Variants in SH3PXD2B observed in about 807,000 individuals in gnomAD.
SH3PXD2B encodes SH3 and PX domain-containing protein 2B.
In SH3PXD2B, 37 loss-of-function variants were observed where a neutral mutation model predicts 73.1. The observed-to-expected ratio is 0.51, with a 90% confidence interval of 0.39 to 0.67. The LOEUF is 0.67. Among genes scored for constraint, SH3PXD2B ranks in the 30% least tolerant of loss-of-function variants. The probability of loss-of-function intolerance (pLI) is 0.00; values close to 1 mark genes in which losing one functional copy is unlikely to be tolerated. For missense variants in SH3PXD2B, 1,053 were observed against 1,197.8 expected (o/e 0.88, Z 1.78); for synonymous variants, 457 against 480.5 (o/e 0.95, Z 0.64).
intron 1 of SH3PXD2B, among the ~76,000 whole-genome samples, chr5:172,450,524 A>G (rs970317477): frequency 1.3e-5 from 2 of 152,136 alleles, no homozygotes; most frequent in African/African-American, 4.8e-5. Flanking sequence ...CCCATTTGAA[A>G]GGGACCCAGT....
At chr5:172,391,393 T>C (rs1581302353) in intron 4 of SH3PXD2B, among the ~76,000 whole-genome samples, 4 of 152,242 alleles carry the variant, frequency 2.6e-5, no homozygotes, top group Admixed American at 2.0e-4. Flanking sequence ...GAGTTCTTGG[T>C]GTATGTTCAA....
At chr5:172,447,457 T>C (rs1284737001) in intron 1 of SH3PXD2B, among the ~76,000 whole-genome samples, 2 of 152,238 alleles carry the variant, frequency 1.3e-5, no homozygotes, top group Non-Finnish European at 2.9e-5. Context: ...CAACCTTTTA[T>C]GATCATAAAT....
At chr5:172,388,221 A>T (rs1403692595) in intron 4 of SH3PXD2B, among the ~76,000 whole-genome samples, 1 of 152,230 alleles carries the variant, frequency 6.6e-6, no homozygotes, top group Non-Finnish European at 1.5e-5. Context: ...TAAACTTGGT[A>T]GCTAAATTTG....
intron 12 of SH3PXD2B, among the ~76,000 whole-genome samples, chr5:172,326,949 T>TG (rs1411270401): frequency 3.3e-5 from 5 of 150,400 alleles, no homozygotes; most frequent in African/African-American, 1.2e-4. Context: ...CTCTGCGTCC[T>TG]GGGTTCAAGC....
intron 1 of SH3PXD2B, among the ~76,000 whole-genome samples, chr5:172,434,511 C>G (rs1759322174): frequency 6.6e-6 from 1 of 152,224 alleles, no homozygotes; most frequent in African/African-American, 2.4e-5. Context: ...CCCTGCTTCC[C>G]CTGCCTCCGG....
Position 172,335,244 on chromosome 5 carries a change from A to G in SH3PXD2B, c.*3125T>C, listed in dbSNP as rs904378424. ...GTTAATAAGCAGGGGTGAGGGGAAG[A>G]AAAAAAAATCTCTGCCCACCTTTTG... On this transcript the variant is annotated 3_prime_UTR_variant, in exon 13 of 13. Transcript: ENST00000311601. 1 of 1,057,482 alleles carries G rather than the reference A, an allele frequency of 9.5e-7. No homozygotes were observed. Among genetic ancestry groups the G allele is most frequent in the South Asian group, 4.6e-5 (1 of 21,870 alleles). The allele number at this position is 1,057,482 out of a possible 1,614,324, so 65.5% of individuals were successfully genotyped here. A position where few individuals can be genotyped will look rare whatever the true frequency, so the allele number is the denominator to read the frequency against.
chr5:172,335,498 C>G lies in SH3PXD2B; in HGVS notation c.*2871G>C, dbSNP rs1756667207. ...CTTGGCCACTATTTGGACCTTCTCCCTCTGAACCTTAATTTTCTCACTATA... is the reference window on the plus strand; with the variant it reads ...CTTGGCCACTATTTGGACCTTCTCCGTCTGAACCTTAATTTTCTCACTATA... On this transcript the variant is annotated 3_prime_UTR_variant, in exon 13 of 13. Transcript: ENST00000311601. 2 of 1,231,564 alleles carry G rather than the reference C, an allele frequency of 1.6e-6. No individual in the cohort carries two copies. Among genetic ancestry groups the G allele is most frequent in the Non-Finnish European group, 2.0e-6 (2 of 987,926 alleles). The allele number at this position is 1,231,564 out of a possible 1,614,324, so 76.3% of individuals were successfully genotyped here.
chr5:172,403,348 C>T (rs79492396), intron 3 of SH3PXD2B, among the ~76,000 whole-genome samples: 1,639 of 152,314 alleles, frequency 0.011, 38 homozygotes, highest in African/African-American at 0.038. Context: ...TCTGCTGACG[C>T]GGCAGTCTTG....
chr5:172,404,289 T>C (rs1026718700), intron 3 of SH3PXD2B, among the ~76,000 whole-genome samples: 2 of 151,874 alleles, frequency 1.3e-5, no homozygotes, highest in Non-Finnish European at 2.9e-5. Context: ...CCTGTTCCCT[T>C]TGCTGAAAAA....
At chr5:172,347,232 C>T in intron 11 of SH3PXD2B, 51 bp downstream of exon 11, 1 of 1,598,084 alleles carries the variant, frequency 6.3e-7, no homozygotes, top group Non-Finnish European at 8.6e-7. Context: ...GTGGACACCC[C>T]TCACAGCCCT....
chr5:172,403,911 G>A (rs759033300), intron 3 of SH3PXD2B, among the ~76,000 whole-genome samples: 3 of 152,186 alleles, frequency 2.0e-5, no homozygotes, highest in Admixed American at 6.5e-5. Context: ...TCACTGTCCC[G>A]TTTTTAACAG....
At chr5:172,354,463 G>A (rs1173984275) in intron 8 of SH3PXD2B, among the ~76,000 whole-genome samples, 2 of 152,192 alleles carry the variant, frequency 1.3e-5, no homozygotes, top group Non-Finnish European at 2.9e-5. Context: ...TGTCTGTCTT[G>A]TTCATTCCTG....
At chr5:172,451,046 C>G (rs1298021243) in intron 1 of SH3PXD2B, among the ~76,000 whole-genome samples, 1 of 152,240 alleles carries the variant, frequency 6.6e-6, no homozygotes, top group Non-Finnish European at 1.5e-5. Flanking sequence ...TGTGGCTCTG[C>G]CCCTGGGCCC....
chr5:172,363,840 A>G (rs1482552250), intron 6 of SH3PXD2B, among the ~76,000 whole-genome samples: 1 of 152,242 alleles, frequency 6.6e-6, no homozygotes, highest in African/African-American at 2.4e-5. Flanking sequence ...TAGAAAGTCA[A>G]TTAAGGGCTT....
intron 4 of SH3PXD2B, among the ~76,000 whole-genome samples, chr5:172,384,097 G>A (rs1319131883): frequency 1.3e-5 from 2 of 151,962 alleles, no homozygotes; most frequent in Non-Finnish European, 2.9e-5. Context: ...CACCCACCTC[G>A]GCTCCCAAAG....
chr5:172,443,536 C>A (rs1759594921), intron 1 of SH3PXD2B, among the ~76,000 whole-genome samples: 1 of 152,226 alleles, frequency 6.6e-6, no homozygotes, highest in Non-Finnish European at 1.5e-5. Context: ...CAGCCCTTAT[C>A]CTATGGAGAT....
In SH3PXD2B at chr5:172,368,590, A is replaced by AT. The variant is rs1561908320; in HGVS notation, c.427+5199_427+5200insA. On this transcript the variant is annotated intron_variant, in intron 6 of 12. Transcript: ENST00000311601. ...TAAAATATGTTATATATATATATAA[A>AT]ATATGTTATATATATAATATATATG... Among the ~76,000 whole-genome samples the AT allele has an allele frequency of 2.5e-3, 29 of 11,742 alleles. 6 individuals are homozygous for AT. The highest frequency in any genetic ancestry group is 0.014 in the African/African-American group (21 of 1,496). 7.7% of individuals were successfully genotyped at this position (11,742 alleles called of 152,430 possible). A position where few individuals can be genotyped will look rare whatever the true frequency, so the allele number is the denominator to read the frequency against.
chr5:172,334,296 A>T lies in SH3PXD2B; in HGVS notation c.*4073T>A, dbSNP rs532452106. ...CAAGGACTGTGGAGCCTCCGGTTCCAGCTCTGCAGCTCTGCCTGGGACCCT... is the reference window on the plus strand; with the variant it reads ...CAAGGACTGTGGAGCCTCCGGTTCCTGCTCTGCAGCTCTGCCTGGGACCCT... On this transcript the variant is annotated 3_prime_UTR_variant, in exon 13 of 13. Coordinates refer to ENST00000311601, the MANE Select transcript of SH3PXD2B (RefSeq NM_001017995.3). 4 of 999,470 alleles carry T rather than the reference A, an allele frequency of 4.0e-6. No individual in the cohort carries two copies. The African/African-American group carries it at 7.0e-5, about 17-fold the overall frequency. 61.9% of individuals were successfully genotyped at this position (999,470 alleles called of 1,614,324 possible).
At chr5:172,367,946 T>C (rs1220301062) in intron 6 of SH3PXD2B, among the ~76,000 whole-genome samples, 1 of 152,170 alleles carries the variant, frequency 6.6e-6, no homozygotes, top group Non-Finnish European at 1.5e-5. Flanking sequence ...TCCTGGACTA[T>C]CTTTGGGATT....
Sources: gnomAD v4.1 joint callset for allele counts (sites outside exome capture counted in the v4.1 genomes callset) on GRCh38, gnomAD v4.1.1 for gene constraint, MANE v1.5 for transcripts, NCBI Gene and HGNC (gene_info 2026-07-23, HGNC 2026-07-21) for gene names.